Variants in KCNB2 observed in about 807,000 individuals in gnomAD.
The protein encoded by KCNB2 is potassium voltage-gated channel subfamily B member 2.
KCNB2 carries 15 observed loss-of-function variants against 61.5 expected under a neutral mutation model. That is an observed-to-expected ratio of 0.24 (90% CI 0.16 to 0.38). The LOEUF (loss-of-function observed/expected upper bound fraction) is 0.38. KCNB2 is among the 10% of genes least tolerant of loss of function. KCNB2 has a pLI of 1.00. For synonymous variants in KCNB2, 457 were observed against 446.0 expected, an observed-to-expected ratio of 1.02 and a Z score of -0.31; for missense variants, 828 against 1,125.2, an observed-to-expected ratio of 0.74 and a Z score of 3.78.
intron 2 of KCNB2, among the ~76,000 whole-genome samples, chr8:72,916,429 C>A (rs1488216997): frequency 6.6e-6 from 1 of 152,076 alleles, no homozygotes; most frequent in African/African-American, 2.4e-5. Context: ...GTGAGAGGAG[C>A]CAGGGTGAGA....
chr8:72,830,991 C>T (rs556746484), intron 2 of KCNB2, among the ~76,000 whole-genome samples: 1 of 152,318 alleles, frequency 6.6e-6, no homozygotes, highest in South Asian at 2.1e-4. Context: ...TGAGCAATTT[C>T]TGTTTTGTTA....
intron 2 of KCNB2, among the ~76,000 whole-genome samples, chr8:72,743,522 A>C (rs1293805108): frequency 6.6e-6 from 1 of 152,224 alleles, no homozygotes; most frequent in African/African-American, 2.4e-5. Context: ...ATGGCAGTTT[A>C]AAAGGGATCG....
chr8:72,892,946 C>A (rs189746806), intron 2 of KCNB2, among the ~76,000 whole-genome samples: 1 of 152,188 alleles, frequency 6.6e-6, no homozygotes, highest in Non-Finnish European at 1.5e-5. Flanking sequence ...AAACTATGAG[C>A]TTTGCAGTGT....
At chr8:72,746,471 A>G (rs1808069714) in intron 2 of KCNB2, among the ~76,000 whole-genome samples, 1 of 152,200 alleles carries the variant, frequency 6.6e-6, no homozygotes, top group African/African-American at 2.4e-5. Flanking sequence ...AAAAGACACC[A>G]ACAAACAAAG....
In KCNB2 at chr8:72,777,758, G is replaced by A. The variant is rs1040562362; in HGVS notation, c.580-158177G>A. On this transcript the variant is annotated intron_variant, in intron 2 of 2. Transcript: ENST00000523207. ...AGTGGTCATTGGAGAGAAAGAGGAA[G>A]TAGTATAATACAGGACATTCTACCA... Among the ~76,000 whole-genome samples, 9 of 152,168 alleles carry A rather than the reference G, an allele frequency of 5.9e-5. 1 individual carries two copies. Among genetic ancestry groups the A allele is most frequent in the African/African-American group, 1.9e-4 (8 of 41,444 alleles).
chr8:72,732,126 C>T (rs1337955349), intron 2 of KCNB2: 2 of 152,224 alleles, frequency 1.3e-5, no homozygotes, highest in Admixed American at 1.3e-4. Flanking sequence ...GTTTATTTCC[C>T]ACAGAATATG....
chr8:72,753,954 T>C (rs1808243901), intron 2 of KCNB2, among the ~76,000 whole-genome samples: 1 of 152,154 alleles, frequency 6.6e-6, no homozygotes, highest in Non-Finnish European at 1.5e-5. Context: ...CCTGCAGCAT[T>C]GCACCTGTTG....
At chr8:72,722,418 C>T (rs935677805) in intron 2 of KCNB2, among the ~76,000 whole-genome samples, 1 of 152,232 alleles carries the variant, frequency 6.6e-6, no homozygotes, top group Admixed American at 6.5e-5. Flanking sequence ...CTGAACCAGC[C>T]ATGGGGCCTT....
At chr8:72,785,315 C>G (rs1808829423) in intron 2 of KCNB2, among the ~76,000 whole-genome samples, 1 of 152,078 alleles carries the variant, frequency 6.6e-6, no homozygotes, top group Admixed American at 6.6e-5. Context: ...GGGAAAAAAG[C>G]AATTATAAAC....
intron 2 of KCNB2, among the ~76,000 whole-genome samples, chr8:72,913,638 C>A (rs1015976044): frequency 6.6e-6 from 1 of 152,158 alleles, no homozygotes; most frequent in Non-Finnish European, 1.5e-5. Flanking sequence ...GGCCACAATG[C>A]ACTCTCAACT....
chr8:72,701,511 G>A (rs1162592782), intron 2 of KCNB2, among the ~76,000 whole-genome samples: 1 of 151,114 alleles, frequency 6.6e-6, no homozygotes, highest in Non-Finnish European at 1.5e-5. Flanking sequence ...ATGAGCTGTG[G>A]TATTTTACCT....
chr8:72,779,018 G>A (rs1200928369), intron 2 of KCNB2, among the ~76,000 whole-genome samples: 1 of 152,080 alleles, frequency 6.6e-6, no homozygotes, highest in African/African-American at 2.4e-5. Context: ...ATTGGAAGTT[G>A]TTGGATTGCT....
chr8:72,847,702 A>G (rs1038490233), intron 2 of KCNB2, among the ~76,000 whole-genome samples: 4 of 152,092 alleles, frequency 2.6e-5, no homozygotes, highest in African/African-American at 9.7e-5. Context: ...CTATGCTCAA[A>G]CTGAAGAAAA....
chr8:72,908,736 G>A (rs957388430), intron 2 of KCNB2, among the ~76,000 whole-genome samples: 5 of 152,228 alleles, frequency 3.3e-5, no homozygotes, highest in Non-Finnish European at 4.4e-5. Flanking sequence ...CAGGAGCTGA[G>A]TCAGAGCACC....
chr8:72,830,243 A>C (rs1331980229), intron 2 of KCNB2, among the ~76,000 whole-genome samples: 1 of 151,148 alleles, frequency 6.6e-6, no homozygotes, highest in Non-Finnish European at 1.5e-5. Flanking sequence ...AAAAAAAAAA[A>C]AAAAAAAGCA....
At chr8:72,860,065 A>G (rs1810275453) in intron 2 of KCNB2, among the ~76,000 whole-genome samples, 1 of 151,908 alleles carries the variant, frequency 6.6e-6, no homozygotes, top group South Asian at 2.1e-4. Flanking sequence ...TAGATATAGG[A>G]TATTTTATTT....
At chr8:72,910,530 G>C (rs1485675457) in intron 2 of KCNB2, among the ~76,000 whole-genome samples, 2 of 152,264 alleles carry the variant, frequency 1.3e-5, no homozygotes, top group African/African-American at 2.4e-5. Context: ...AAAATGAAGA[G>C]AGTGCCATAG....
chr8:72,684,790 A>G (rs1806823811), intron 2 of KCNB2, among the ~76,000 whole-genome samples: 1 of 152,220 alleles, frequency 6.6e-6, no homozygotes, highest in African/African-American at 2.4e-5. Context: ...TATTGAGAGT[A>G]GAAAGTCACT....
chr8:72,926,238 C>G (rs1047015540), intron 2 of KCNB2, among the ~76,000 whole-genome samples: 1 of 152,016 alleles, frequency 6.6e-6, no homozygotes, highest in Non-Finnish European at 1.5e-5. Flanking sequence ...TACCCAACAA[C>G]TTAAAATAAA....
Sources: gnomAD v4.1 joint callset for allele counts (sites outside exome capture counted in the v4.1 genomes callset) on GRCh38, gnomAD v4.1.1 for gene constraint, MANE v1.5 for transcripts, NCBI Gene and HGNC (gene_info 2026-07-23, HGNC 2026-07-21) for gene names.